C16orf87: variants seen among roughly 807,000 people sequenced by gnomAD.
The protein encoded by C16orf87 is HDAC and MIER1 interacting protein 1, also known as UPF0547 protein C16orf87.
Under a neutral mutation model 21.0 loss-of-function variants are expected in C16orf87, and 13 were observed. The observed-to-expected ratio is 0.62, with a 90% confidence interval of 0.40 to 0.98. The LOEUF (loss-of-function observed/expected upper bound fraction) is 0.98, where lower values mean the gene tolerates loss of function less well. C16orf87 is among the 50% of genes least tolerant of loss of function. The probability of loss-of-function intolerance (pLI) is 0.00; values close to 1 mark genes in which losing one functional copy is unlikely to be tolerated. For synonymous variants in C16orf87, 49 were observed against 60.2 expected, an observed-to-expected ratio of 0.81 and a Z score of 0.86; for missense variants, 113 against 180.4, an observed-to-expected ratio of 0.63 and a Z score of 2.14.
In C16orf87 at chr16:46,796,769, C is replaced by T. The variant is rs1363454620; in HGVS notation, c.*6183G>A. Reference sequence around the variant, plus strand: ...TGAGATAATACCAAAGAGTCTAACACTTGCATCACTGGAGCCTAAGAGGGA... The same window carrying T: ...TGAGATAATACCAAAGAGTCTAACATTTGCATCACTGGAGCCTAAGAGGGA... On this transcript the variant is annotated 3_prime_UTR_variant, in exon 4 of 4. Coordinates refer to ENST00000285697, the MANE Select transcript of C16orf87 (RefSeq NM_001001436.4). 6.6e-6 allele frequency: 1 copy of T among 152,132 alleles called. No individual in the cohort carries two copies. The highest frequency in any genetic ancestry group is 1.5e-5 in the Non-Finnish European group (1 of 68,036). The allele number at this position is 152,132 out of a possible 1,614,324, so 9.4% of individuals were successfully genotyped here.
chr16:46,817,636 C>A (rs1466351904), intron 2 of C16orf87, among the ~76,000 whole-genome samples: 2 of 151,700 alleles, frequency 1.3e-5, no homozygotes, highest in African/African-American at 4.8e-5. Flanking sequence ...TGCAGTAAGC[C>A]GATATCAGGC....
At position 46,812,360 on chromosome 16, in the gene C16orf87, C is replaced by T. The variant is rs146929647; in HGVS notation, c.164-2575G>A. The stretch of plus-strand genomic sequence containing the variant: ...TTTTTGAGAAAAGTGAAAATGTGAA[C>T]ACAAGTCGGATATTTATTAATAAGA... On this transcript the variant is annotated intron_variant, in intron 2 of 3. Transcript: ENST00000285697. Among the ~76,000 whole-genome samples, 742 of 152,198 alleles carry T rather than the reference C, an allele frequency of 4.9e-3. 4 individuals carry two copies. The highest frequency in any genetic ancestry group is 0.017 in the African/African-American group (697 of 41,512).
chr16:46,810,752 A>T (rs1968056016), intron 2 of C16orf87, among the ~76,000 whole-genome samples: 1 of 152,232 alleles, frequency 6.6e-6, no homozygotes, highest in Admixed American at 6.5e-5. Flanking sequence ...TTAGACATAT[A>T]CCAGATAATA....
At chr16:46,819,169 G>A (rs1959310296) in intron 2 of C16orf87, among the ~76,000 whole-genome samples, 1 of 152,166 alleles carries the variant, frequency 6.6e-6, no homozygotes, top group African/African-American at 2.4e-5. Flanking sequence ...CTTGCTTTGT[G>A]TGTTTCGTCC....
At position 46,831,162 on chromosome 16, in the gene C16orf87, TAGCGGCGGCAGC is replaced by T; in HGVS notation, c.-25_-14del. ...GAGTTGCAGACATGCTCCTCTCCCT[TAGCGGCGGCAGC>T]AGCGACGGCTCGGGCTCCTCCCCTC... On this transcript the variant is annotated 5_prime_UTR_variant, in exon 1 of 4. Coordinates refer to ENST00000285697, the MANE Select transcript of C16orf87 (RefSeq NM_001001436.4). The T allele has an allele frequency of 6.4e-7, 1 of 1,554,276 alleles. No homozygotes were observed. The highest frequency in any genetic ancestry group is 1.2e-5 in the South Asian group (1 of 86,046).
intron 1 of C16orf87, among the ~76,000 whole-genome samples, chr16:46,829,264 G>A (rs973258208): frequency 4.6e-5 from 7 of 152,152 alleles, no homozygotes; most frequent in African/African-American, 1.4e-4. Context: ...TTTTGTTATG[G>A]CAGCCAAAGC....
Position 46,831,136 on chromosome 16 carries a change from C to G in C16orf87, c.14G>C (p.Arg5Pro), listed in dbSNP as rs753617429. Reference sequence around the variant, plus strand: ...GGTGGCCATCTTCACTTTCTTGGCTCGAGTTGCAGACATGCTCCTCTCCCT... The same window carrying G: ...GGTGGCCATCTTCACTTTCTTGGCTGGAGTTGCAGACATGCTCCTCTCCCT... MSATRAKKVKMATKS... is the reference protein window; with the variant it reads MSATPAKKVKMATKS... The change falls in exon 1 of 4, where the codon CGA becomes CCA. Residue 5 changes from arginine to proline, a missense_variant. Transcript: ENST00000285697. 5 of 1,577,104 alleles carry G rather than the reference C, an allele frequency of 3.2e-6. No individual in the cohort carries two copies. The highest frequency in any genetic ancestry group is 4.3e-6 in the Non-Finnish European group (5 of 1,159,744).
At chr16:46,830,468 T>C (rs1237606731) in intron 1 of C16orf87, among the ~76,000 whole-genome samples, 1 of 152,076 alleles carries the variant, frequency 6.6e-6, no homozygotes, top group African/African-American at 2.4e-5. Context: ...TTAAAAACGA[T>C]GTAAAGGCAG....
intron 3 of C16orf87, among the ~76,000 whole-genome samples, chr16:46,804,075 G>A (rs946889908): frequency 6.6e-6 from 1 of 152,124 alleles, no homozygotes; most frequent in Non-Finnish European, 1.5e-5. Context: ...TGTTTTCCCT[G>A]AAGTGATTCT....
chr16:46,805,186 G>A (rs1967892834), intron 3 of C16orf87, among the ~76,000 whole-genome samples: 2 of 152,094 alleles, frequency 1.3e-5, no homozygotes, highest in South Asian at 2.1e-4. Context: ...TGTTAAAGTC[G>A]TTGATGACTT....
chr16:46,831,018 C>G (rs1437957887), intron 1 of C16orf87, 66 bp downstream of exon 1: 1 of 1,340,040 alleles, frequency 7.5e-7, no homozygotes, highest in Admixed American at 2.1e-5. Context: ...CGGCGAGGCC[C>G]CCCTCCACAG....
At chr16:46,818,104 G>C (rs1414503281) in intron 2 of C16orf87, among the ~76,000 whole-genome samples, 2 of 152,108 alleles carry the variant, frequency 1.3e-5, no homozygotes, top group Admixed American at 1.3e-4. Context: ...TTGAACTCCT[G>C]ACCTCAAGTG....
chr16:46,819,484 A>AT (rs1959321750), intron 2 of C16orf87, among the ~76,000 whole-genome samples: 1 of 151,350 alleles, frequency 6.6e-6, no homozygotes, highest in Non-Finnish European at 1.5e-5. Flanking sequence ...TAATTTTTGT[A>AT]TTTTTAGCAG....
chr16:46,811,092 C>T (rs1968068293), intron 2 of C16orf87, among the ~76,000 whole-genome samples: 1 of 152,144 alleles, frequency 6.6e-6, no homozygotes, highest in African/African-American at 2.4e-5. Flanking sequence ...GAAGAGGTTT[C>T]TCATATTAAA....
At position 46,807,586 on chromosome 16, in the gene C16orf87, C is replaced by T. The variant is rs541191400; in HGVS notation, c.346+2017G>A. On this transcript the variant is annotated intron_variant, in intron 3 of 3. Transcript: ENST00000285697. Reference sequence around the variant, plus strand: ...CTGCTTTCCAGCTACAATGGCAGAGCTGAGTAGTTGTGACAGAGATAGTAT... The same window carrying T: ...CTGCTTTCCAGCTACAATGGCAGAGTTGAGTAGTTGTGACAGAGATAGTAT... 1.6e-4 allele frequency among the ~76,000 whole-genome samples: 24 copies of T among 152,236 alleles called. No individual in the cohort carries two copies. The East Asian group carries it at 4.6e-3, about 29-fold the overall frequency.
At chr16:46,804,588 C>T (rs1967868976) in intron 3 of C16orf87, among the ~76,000 whole-genome samples, 1 of 152,296 alleles carries the variant, frequency 6.6e-6, no homozygotes, top group Non-Finnish European at 1.5e-5. Context: ...AAAACCAATA[C>T]CTTTTTTATA....
rs1596818816 is a variant in C16orf87 at position 46,817,953 on chromosome 16, C to G, written c.163+6433G>C. Among the ~76,000 whole-genome samples, 4 of 109,882 alleles carry G rather than the reference C, an allele frequency of 3.6e-5. No homozygotes were observed. In the South Asian group the frequency reaches 1.3e-3, roughly 36 times the overall value. 72.1% of individuals were successfully genotyped at this position (109,882 alleles called of 152,430 possible). A position where few individuals can be genotyped will look rare whatever the true frequency, so the allele number is the denominator to read the frequency against. ...AAAAAAAAAAAACCACAAAAATCAA[C>G]TATATAAAAGCCATGTTCCATACAG... On this transcript the variant is annotated intron_variant, in intron 2 of 3. Coordinates refer to ENST00000285697, the MANE Select transcript of C16orf87 (RefSeq NM_001001436.4).
rs540734713 is a variant in C16orf87, at chr16:46,800,429, T to C, written c.*2523A>G. 6.6e-6 allele frequency: 1 copy of C among 152,230 alleles called. No homozygotes were observed. Among genetic ancestry groups the C allele is most frequent in the East Asian group, 1.9e-4 (1 of 5,182 alleles). The allele number at this position is 152,230 out of a possible 1,614,324, so 9.4% of individuals were successfully genotyped here. A position where few individuals can be genotyped will look rare whatever the true frequency, so the allele number is the denominator to read the frequency against. ...TCATTTCTAAAACTAACAAACAAAATCAAACTACAAGTATTAAAGTGCCCA... is the reference window on the plus strand; with the variant it reads ...TCATTTCTAAAACTAACAAACAAAACCAAACTACAAGTATTAAAGTGCCCA... On this transcript the variant is annotated 3_prime_UTR_variant, in exon 4 of 4. Coordinates refer to ENST00000285697, the MANE Select transcript of C16orf87 (RefSeq NM_001001436.4).
chr16:46,797,073 T>C lies in C16orf87; in HGVS notation c.*5879A>G, dbSNP rs933880177. ...AGAACTGTCAACACAGTAGTTTATA[T>C]CCAGCAAAAATATCTTTCATGAATT... On this transcript the variant is annotated 3_prime_UTR_variant, in exon 4 of 4. Transcript: ENST00000285697. 3 of 152,272 alleles carry C rather than the reference T, an allele frequency of 2.0e-5. No homozygotes were observed. The highest frequency in any genetic ancestry group is 6.5e-5 in the Admixed American group (1 of 15,288). The allele number at this position is 152,272 out of a possible 1,614,324, so 9.4% of individuals were successfully genotyped here. A position where few individuals can be genotyped will look rare whatever the true frequency, so the allele number is the denominator to read the frequency against.
Sources: allele counts gnomAD v4.1 joint callset (sites outside exome capture counted in the v4.1 genomes callset), GRCh38; gene constraint gnomAD v4.1.1; transcripts MANE v1.5; gene names NCBI Gene and HGNC (gene_info 2026-07-23, HGNC 2026-07-21).